COG2: variants seen among roughly 807,000 people sequenced by gnomAD.
COG2 encodes the protein component of oligomeric golgi complex 2.
Under a neutral mutation model 90.6 loss-of-function variants are expected in COG2, and 52 were observed. That is an observed-to-expected ratio of 0.57 (90% CI 0.46 to 0.72). COG2 has a LOEUF of 0.72. Among genes scored for constraint, COG2 ranks in the 30% least tolerant of loss-of-function variants. The probability of loss-of-function intolerance (pLI) is 0.00; values close to 1 mark genes in which losing one functional copy is unlikely to be tolerated. For missense variants in COG2, 829 were observed against 891.2 expected (o/e 0.93, Z 0.89); for synonymous variants, 337 against 320.4 (o/e 1.05, Z -0.55).
chr1:230,665,534 A>G (rs1215009708), intron 5 of COG2, among the ~76,000 whole-genome samples: 1 of 152,208 alleles, frequency 6.6e-6, no homozygotes, highest in Non-Finnish European at 1.5e-5. Flanking sequence ...AGAATTTTAG[A>G]TTTGGAGAGA....
intron 10 of COG2, 25 bp downstream of exon 10, chr1:230,679,077 G>A (rs548935579): frequency 3.7e-5 from 59 of 1,592,748 alleles, no homozygotes; most frequent in Middle Eastern, 1.7e-4. Flanking sequence ...CACCGCCCCC[G>A]CCCCGCACCC....
chr1:230,673,764 C>T (rs932986289), intron 8 of COG2, among the ~76,000 whole-genome samples: 1 of 152,140 alleles, frequency 6.6e-6, no homozygotes, highest in Non-Finnish European at 1.5e-5. Context: ...CCTCCACCCC[C>T]ACCAGTAATT....
chr1:230,659,578 C>T lies in COG2; in HGVS notation c.187C>T (p.Leu63Phe). 1 of 1,614,066 alleles carries T rather than the reference C, an allele frequency of 6.2e-7. No individual in the cohort carries two copies. Among genetic ancestry groups the T allele is most frequent in the Non-Finnish European group, 8.5e-7 (1 of 1,179,968 alleles). ...YKLLKTAMVE[L>F]INKDYADFVN... ...ACTTCTTAAAACAGCCATGGTCGAA[C>T]TCATCAACAAGGATTATGCAGATTT... Residue 63 changes from leucine (L) to phenylalanine (F), a missense_variant, in exon 2 of 18, where the codon CTC (leucine) becomes TTC (phenylalanine). By Grantham distance (22) the Leu-to-Phe change is conservative. Coordinates refer to ENST00000366669, the MANE Select transcript of COG2 (RefSeq NM_007357.3).
intron 1 of COG2, among the ~76,000 whole-genome samples, chr1:230,648,628 A>G (rs1235476123): frequency 6.6e-6 from 1 of 152,206 alleles, no homozygotes; most frequent in Non-Finnish European, 1.5e-5. Flanking sequence ...CAATATTATA[A>G]AATGTATTAC....
chr1:230,677,876 T>C (rs1363386639), intron 9 of COG2, among the ~76,000 whole-genome samples: 1 of 152,256 alleles, frequency 6.6e-6, no homozygotes, highest in Non-Finnish European at 1.5e-5. Context: ...ATATTTGTTT[T>C]AGCATCCATT....
chr1:230,669,733 T>C (rs1662402468), intron 7 of COG2, 198 bp downstream of exon 7: 9 of 469,536 alleles, frequency 1.9e-5, no homozygotes, highest in Non-Finnish European at 3.7e-6. Flanking sequence ...GAATTGGGCG[T>C]GCCGTCTCAG....
At chr1:230,661,053 G>A (rs1481676805) in intron 3 of COG2, among the ~76,000 whole-genome samples, 1 of 152,122 alleles carries the variant, frequency 6.6e-6, no homozygotes, top group Non-Finnish European at 1.5e-5. Flanking sequence ...GATTCTTAGA[G>A]TAGACAGCTT....
chr1:230,655,302 C>A (rs1490137896), intron 1 of COG2, among the ~76,000 whole-genome samples: 1 of 152,086 alleles, frequency 6.6e-6, no homozygotes, highest in Non-Finnish European at 1.5e-5. Context: ...GAGTTTTTAG[C>A]ATGAAGGGGT....
chr1:230,689,100 G>A (rs1662960287), intron 15 of COG2, among the ~76,000 whole-genome samples: 5 of 152,102 alleles, frequency 3.3e-5, no homozygotes, highest in Admixed American at 3.3e-4. Flanking sequence ...GGAAGCCGAG[G>A]CAGGAGGATT....
intron 3 of COG2, 51 bp downstream of exon 3, chr1:230,660,874 T>TTAG: frequency 5.5e-6 from 7 of 1,268,856 alleles, no homozygotes; most frequent in Non-Finnish European, 7.5e-6. Flanking sequence ...ATGATATGCT[T>TTAG]GTTTGCCCTT....
At chr1:230,675,202 G>T in intron 9 of COG2, 78 bp downstream of exon 9, 2 of 1,480,474 alleles carry the variant, frequency 1.4e-6, no homozygotes, top group South Asian at 1.5e-5. Flanking sequence ...CTTCTACTTA[G>T]TCTTGGTTCT....
chr1:230,646,244 C>A (rs2102739447), intron 1 of COG2, among the ~76,000 whole-genome samples: 1 of 152,322 alleles, frequency 6.6e-6, no homozygotes, highest in South Asian at 2.1e-4. Flanking sequence ...AAATTCACTT[C>A]ACTCTGGTTT....
chr1:230,669,834 C>G (rs982176833), intron 7 of COG2: 1 of 271,364 alleles, frequency 3.7e-6, no homozygotes, highest in East Asian at 7.2e-5. Flanking sequence ...GGCGATGGTT[C>G]CTCAGTAATT....
Position 230,669,430 on chromosome 1 carries a change from C to T in COG2, c.669C>T (p.Asp223=), listed in dbSNP as rs137983723. ...TATTAGAAGGCCTTCAGACGTCTGA[C>T]GTCGATATAATACGGCACTGCTTGC... The part of the protein sequence containing the change: ...GLLLEGLQTS[D]VDIIRHCLRT... Residue 223 remains aspartate, a synonymous_variant, in exon 7 of 18, where the codon GAC becomes GAT. Coordinates refer to ENST00000366669, the MANE Select transcript of COG2 (RefSeq NM_007357.3). The T allele has an allele frequency of 5.6e-6, 9 of 1,613,958 alleles. No homozygotes were observed. Among genetic ancestry groups the T allele is most frequent in the Non-Finnish European group, 7.6e-6 (9 of 1,179,974 alleles).
At chr1:230,657,723 CT>C (rs1662095922) in intron 1 of COG2, among the ~76,000 whole-genome samples, 1 of 152,108 alleles carries the variant, frequency 6.6e-6, no homozygotes, top group South Asian at 2.1e-4. Context: ...CAGATTTGGT[CT>C]TTTCATCTAG....
intron 9 of COG2, among the ~76,000 whole-genome samples, chr1:230,675,457 TAA>T (rs1419244710): frequency 6.6e-6 from 1 of 152,118 alleles, no homozygotes; most frequent in Non-Finnish European, 1.5e-5. Context: ...TGTGAAAAAT[TAA>T]GTTTGTACAT....
At chr1:230,651,929 C>G (rs983489196) in intron 1 of COG2, among the ~76,000 whole-genome samples, 1 of 152,166 alleles carries the variant, frequency 6.6e-6, no homozygotes, top group African/African-American at 2.4e-5. Flanking sequence ...CTATCCCCTC[C>G]TGCCTCCCCC....
chr1:230,643,012 G>T, intron 1 of COG2: 1 of 289,378 alleles, frequency 3.5e-6, no homozygotes, highest in Non-Finnish European at 6.4e-6. Context: ...AAAGAAGCTT[G>T]TGGACCGGGG....
In COG2 at chr1:230,691,491, C is replaced by T. The variant is rs752289161; in HGVS notation, c.2042C>T (p.Pro681Leu). The T allele has an allele frequency of 6.2e-7, 1 of 1,614,002 alleles. No homozygotes were observed. Among genetic ancestry groups the T allele is most frequent in the African/African-American group, 1.3e-5 (1 of 74,900 alleles). The change falls in exon 17 of 18, where the codon CCC (proline) becomes CTC (leucine). Residue 681 changes from proline (P) to leucine (L), a missense_variant. By Grantham distance (98) the Pro-to-Leu change is moderately conservative. Transcript: ENST00000366669. The part of the protein sequence containing the change: ...RKTTPANPVG[P>L]SGGMSDDDKI... ...ACCACTCCCGCCAACCCCGTCGGTC[C>T]CAGTGGTGGCATGAGCGACGACGAC...
Sources: gnomAD v4.1 joint callset for allele counts (sites outside exome capture counted in the v4.1 genomes callset) on GRCh38, gnomAD v4.1.1 for gene constraint, MANE v1.5 for transcripts, NCBI Gene and HGNC (gene_info 2026-07-23, HGNC 2026-07-21) for gene names.